The following SYT1 variants were observed in gnomAD, a reference collection of about 807,000 sequenced individuals.
SYT1 encodes synaptotagmin 1.
A neutral mutation model predicts 44.8 loss-of-function variants in SYT1; 8 were observed. The ratio of observed to expected loss-of-function variants is 0.18; its 90% CI spans 0.10 to 0.32. The LOEUF is 0.32. Ranked by LOEUF, SYT1 falls within the 10% of genes least tolerant of loss-of-function variation. SYT1 has a pLI of 1.00. For synonymous variants in SYT1, 154 were observed against 188.8 expected, an observed-to-expected ratio of 0.82 and a Z score of 1.51; for missense variants, 286 against 509.3, an observed-to-expected ratio of 0.56 and a Z score of 4.22.
At chr12:78,989,268 A>C (rs1869858880) in intron 2 of SYT1, among the ~76,000 whole-genome samples, 1 of 152,164 alleles carries the variant, frequency 6.6e-6, no homozygotes, top group East Asian at 1.9e-4. Flanking sequence ...TGGAATGAAG[A>C]TATCAAATTA....
chr12:79,253,742 G>A (rs1041276298), intron 4 of SYT1, among the ~76,000 whole-genome samples: 1 of 152,054 alleles, frequency 6.6e-6, no homozygotes, highest in African/African-American at 2.4e-5. Flanking sequence ...GCAAAGTTGT[G>A]AACGTAAAGG....
chr12:78,878,661 A>G (rs923978297), intron 1 of SYT1, among the ~76,000 whole-genome samples: 1 of 151,798 alleles, frequency 6.6e-6, no homozygotes, highest in Non-Finnish European at 1.5e-5. Flanking sequence ...GAGTGAAACC[A>G]TAAGGAAGTA....
intron 3 of SYT1, among the ~76,000 whole-genome samples, chr12:79,103,987 C>T (rs1349928300): frequency 2.0e-5 from 3 of 151,968 alleles, no homozygotes; most frequent in African/African-American, 2.4e-5. Context: ...TGAATGCTCC[C>T]ACAGTGACAA....
chr12:79,078,158 T>C (rs1820105874), intron 3 of SYT1, among the ~76,000 whole-genome samples: 1 of 152,156 alleles, frequency 6.6e-6, no homozygotes, highest in Non-Finnish European at 1.5e-5. Flanking sequence ...TGTCCAGTTG[T>C]AATTTATCCT....
intron 3 of SYT1, among the ~76,000 whole-genome samples, chr12:79,121,058 C>A (rs1340412008): frequency 2.6e-5 from 4 of 151,634 alleles, no homozygotes; most frequent in Admixed American, 1.3e-4. Flanking sequence ...TATGTTCATA[C>A]ATCTATCACC....
chr12:79,007,627 G>A (rs1015944949), intron 2 of SYT1, among the ~76,000 whole-genome samples: 1 of 152,124 alleles, frequency 6.6e-6, no homozygotes, highest in Admixed American at 6.6e-5. Context: ...TTAGTGAACG[G>A]TTAATTTGGG....
intron 3 of SYT1, among the ~76,000 whole-genome samples, chr12:79,159,531 A>C (rs772219034): frequency 1.3e-5 from 2 of 152,148 alleles, no homozygotes; most frequent in African/African-American, 2.4e-5. Flanking sequence ...TATTATTATA[A>C]TTGTTCTATC....
At chr12:79,071,255 T>C (rs1438179170) in intron 3 of SYT1, among the ~76,000 whole-genome samples, 1 of 152,164 alleles carries the variant, frequency 6.6e-6, no homozygotes, top group East Asian at 1.9e-4. Flanking sequence ...TATTTAAAAA[T>C]AATTTATTGG....
chr12:79,251,982 T>TGATAGATAGGTAGATA (rs1877240917), intron 4 of SYT1, among the ~76,000 whole-genome samples: 1 of 149,822 alleles, frequency 6.7e-6, no homozygotes, highest in African/African-American at 2.5e-5. Context: ...GATAGATGAT[T>TGATAGATAGGTAGATA]GATAGATAGA....
In SYT1 at chr12:79,176,945, G is replaced by A. The variant is rs572136136; in HGVS notation, c.-17-40558G>A. Among the ~76,000 whole-genome samples the A allele has an allele frequency of 3.0e-4, 46 of 151,332 alleles. No individual in the cohort carries two copies. The East Asian group carries it at 6.6e-3, about 22-fold the overall frequency. On this transcript the variant is annotated intron_variant, in intron 3 of 10. Transcript: ENST00000261205. ...TCACACATCCAAAAATTGAACATTC[G>A]TCCAATAATATTATCCAATATAATC...
At chr12:78,903,858 G>T (rs2137105704) in intron 1 of SYT1, among the ~76,000 whole-genome samples, 1 of 151,830 alleles carries the variant, frequency 6.6e-6, no homozygotes, top group African/African-American at 2.4e-5. Flanking sequence ...TATAGTTTTT[G>T]ACCATATTTT....
chr12:79,273,236 C>T (rs1878531349), intron 4 of SYT1, among the ~76,000 whole-genome samples: 1 of 151,672 alleles, frequency 6.6e-6, no homozygotes. Context: ...ATCACCTCAG[C>T]TCCTACATAG....
intron 4 of SYT1, among the ~76,000 whole-genome samples, chr12:79,231,098 C>G (rs941761684): frequency 1.3e-5 from 2 of 151,974 alleles, no homozygotes; most frequent in Non-Finnish European, 1.5e-5. Flanking sequence ...ATGTAGATCT[C>G]TTATTGCATT....
At chr12:79,035,726 T>G (rs567563471) in intron 2 of SYT1, among the ~76,000 whole-genome samples, 4 of 151,624 alleles carry the variant, frequency 2.6e-5, no homozygotes, top group Non-Finnish European at 4.4e-5. Flanking sequence ...GACATTCTGC[T>G]CTGTTTTGAT....
Position 79,240,305 on chromosome 12 carries a change from A to G in SYT1, c.166+22620A>G, listed in dbSNP as rs372520838. On this transcript the variant is annotated intron_variant, in intron 4 of 10. Transcript: ENST00000261205. ...ACTACTCTATTTTTTACAAAATTTA[A>G]AGGATTTGAACTGAAAAGCATCCTT... Among the ~76,000 whole-genome samples the G allele has an allele frequency of 4.6e-5, 7 of 152,324 alleles. 1 individual carries two copies. The highest frequency in any genetic ancestry group is 3.3e-4 in the Admixed American group (5 of 15,296).
intron 3 of SYT1, among the ~76,000 whole-genome samples, chr12:79,059,215 A>G (rs953145677): frequency 3.9e-5 from 6 of 152,056 alleles, no homozygotes; most frequent in African/African-American, 1.4e-4. Context: ...CCATAATTCA[A>G]TGACCTCCCA....
At chr12:79,434,563 A>G (rs960631075) in intron 9 of SYT1, among the ~76,000 whole-genome samples, 1 of 152,192 alleles carries the variant, frequency 6.6e-6, no homozygotes, top group Admixed American at 6.5e-5. Context: ...TGGCTTACTG[A>G]TGAACTAAGG....
At chr12:79,114,810 A>T (rs1352864791) in intron 3 of SYT1, among the ~76,000 whole-genome samples, 1 of 152,216 alleles carries the variant, frequency 6.6e-6, no homozygotes, top group Non-Finnish European at 1.5e-5. Context: ...TGTGTAAGCC[A>T]TATAGAAGCA....
chr12:79,101,225 A>G (rs1878427737), intron 3 of SYT1, among the ~76,000 whole-genome samples: 1 of 152,232 alleles, frequency 6.6e-6, no homozygotes, highest in Non-Finnish European at 1.5e-5. Flanking sequence ...ATTCACAAGT[A>G]CCACTTATCA....
Sources: gnomAD v4.1 joint callset for allele counts (sites outside exome capture counted in the v4.1 genomes callset) on GRCh38, gnomAD v4.1.1 for gene constraint, MANE v1.5 for transcripts, NCBI Gene and HGNC (gene_info 2026-07-23, HGNC 2026-07-21) for gene names.